Variants in CHAT observed in about 807,000 individuals in gnomAD.
CHAT encodes the protein choline O-acetyltransferase.
In CHAT, 61 loss-of-function variants were observed where a neutral mutation model predicts 76.9. The observed-to-expected ratio is 0.79, with a 90% CI of 0.65 to 0.98. CHAT has a LOEUF of 0.98. Among genes scored for constraint, CHAT ranks in the 50% least tolerant of loss-of-function variants. The pLI, the probability that CHAT is intolerant of heterozygous loss-of-function variation, is 0.00. For synonymous variants in CHAT, 407 were observed against 397.4 expected, an observed-to-expected ratio of 1.02 and a Z score of -0.29; for missense variants, 946 against 986.9, an observed-to-expected ratio of 0.96 and a Z score of 0.56.
rs1190793135 is a variant in CHAT, at chr10:49,627,649, T to C, written c.975T>C (p.Ser325=). 6.2e-7 allele frequency: 1 copy of C among 1,614,048 alleles called. No homozygotes were observed. Among genetic ancestry groups the C allele is most frequent in the African/African-American group, 1.3e-5 (1 of 74,926 alleles). ...LDVVINFRRL[S]EGDLFTQLRK... is the part of the protein sequence containing the mutation. Reference sequence around the variant, plus strand: ...TTGTCATTAATTTCCGCCGTCTCAGTGAGGGGGATCTGTTCACTCAGTTGA... The same window carrying C: ...TTGTCATTAATTTCCGCCGTCTCAGCGAGGGGGATCTGTTCACTCAGTTGA... Residue 325 remains serine, a synonymous_variant, in exon 7 of 15, where the codon AGT becomes AGC. Transcript: ENST00000337653.
At chr10:49,612,131 C>A (rs1838315890), upstream of CHAT, 1 of 1,612,190 alleles carries the variant, frequency 6.2e-7, no homozygotes, top group Non-Finnish European at 8.5e-7. Context: ...CTCTATGCTC[C>A]CGTCTTGCTG....
upstream of CHAT, chr10:49,612,133 G>A (rs1470523895): frequency 7.4e-6 from 12 of 1,612,078 alleles, no homozygotes; most frequent in Admixed American, 1.3e-4. Flanking sequence ...CTATGCTCCC[G>A]TCTTGCTGCT....
intron 7 of CHAT, among the ~76,000 whole-genome samples, chr10:49,640,786 T>C (rs953296325): frequency 6.6e-6 from 1 of 152,218 alleles, no homozygotes; most frequent in Non-Finnish European, 1.5e-5. Context: ...CCTAAAAGTT[T>C]TATGTCTTGC....
upstream of CHAT, chr10:49,610,996 ACTCCGGC>A (rs1838279081): frequency 6.2e-7 from 1 of 1,612,894 alleles, no homozygotes; most frequent in East Asian, 2.2e-5. Context: ...GCCGCTGCCC[ACTCCGGC>A]CAATGCCAGC....
intron 13 of CHAT, among the ~76,000 whole-genome samples, chr10:49,660,157 T>C (rs111245154): frequency 4.0e-5 from 6 of 151,586 alleles, no homozygotes; most frequent in Non-Finnish European, 7.4e-5. Flanking sequence ...AGAGCTGAAA[T>C]TGGCCGGGTG....
chr10:49,639,896 C>T (rs1839423270), intron 7 of CHAT, among the ~76,000 whole-genome samples: 1 of 152,120 alleles, frequency 6.6e-6, no homozygotes, highest in Admixed American at 6.6e-5. Context: ...TCCTTTTCCC[C>T]CAGTCTAATC....
Position 49,614,342 on chromosome 10 carries a change from T to A in CHAT, c.153T>A (p.Pro51=), listed in dbSNP as rs773735383. The A allele has an allele frequency of 1.3e-6, 2 of 1,546,770 alleles. No homozygotes were observed. Among genetic ancestry groups the A allele is most frequent in the African/African-American group, 1.4e-5 (1 of 73,050 alleles). The change falls in exon 1 of 15, where the codon CCT becomes CCA. Residue 51 remains proline (P), a synonymous_variant. Coordinates refer to ENST00000337653, the MANE Select transcript of CHAT (RefSeq NM_020549.5). ...GGGACCCGGGCGACGTCGGAGGCCC[T>A]GCCGGGAACCCAGGCTGCAGCCCCC... ...GRGDPGDVGG[P]AGNPGCSPHP... is the part of the protein sequence containing the mutation.
At chr10:49,612,233 G>T (rs547637544), upstream of CHAT, 4 of 1,609,244 alleles carry the variant, frequency 2.5e-6, no homozygotes, top group South Asian at 4.4e-5. Flanking sequence ...GATGCGGTGC[G>T]CCTGCGTGAG....
chr10:49,610,621 C>T, upstream of CHAT: 28 of 1,026,740 alleles, frequency 2.7e-5, no homozygotes, highest in Non-Finnish European at 3.8e-5. Flanking sequence ...ACCTGAGGCA[C>T]AGGGGAGTCT....
chr10:49,632,374 G>A (rs941961265), intron 7 of CHAT, among the ~76,000 whole-genome samples: 43 of 152,236 alleles, frequency 2.8e-4, no homozygotes, highest in Admixed American at 9.1e-4. Flanking sequence ...TGGCTGTTGG[G>A]GCTGAGGTGC....
At chr10:49,629,062 G>GCCCGTTCGCTTACCTTGACACTGTGA (rs1839024790) in intron 7 of CHAT, among the ~76,000 whole-genome samples, 1 of 152,250 alleles carries the variant, frequency 6.6e-6, no homozygotes, top group Non-Finnish European at 1.5e-5. Context: ...TGTCACTGTG[G>GCCCGTTCGCTTACCTTGACACTGTGA]CCCGTTCGCT....
At chr10:49,647,865 C>T (rs1174182631) in intron 8 of CHAT, 1 of 155,758 alleles carries the variant, frequency 6.4e-6, no homozygotes, top group Non-Finnish European at 1.4e-5. Context: ...GCCCTCTCCA[C>T]CACCTCTCAT....
Position 49,625,539 on chromosome 10 carries a change from C to CTATG in CHAT, c.820_823dup (p.Gly275ValfsTer29). The CTATG allele has an allele frequency of 6.2e-7, 1 of 1,613,802 alleles. No homozygotes were observed. Among genetic ancestry groups the CTATG allele is most frequent in the Non-Finnish European group, 8.5e-7 (1 of 1,179,986 alleles). ...GGCAGCCCCTTTGCATGAAGCAATACTATGGGCTCTTCTCCTCCTACCGGC... is the reference window on the plus strand; with the variant it reads ...GGCAGCCCCTTTGCATGAAGCAATACTATGTATGGGCTCTTCTCCTCCTACCGGC... On this transcript the variant is annotated frameshift_variant, in exon 6 of 15. Transcript: ENST00000337653. LOFTEE classifies it high-confidence loss of function.
At position 49,620,546 on chromosome 10, in the gene CHAT, C is replaced by G. The variant is rs121912815; in HGVS notation, c.631C>G (p.Pro211Ala). 1.9e-6 allele frequency: 3 copies of G among 1,613,796 alleles called. No individual in the cohort carries two copies. Among genetic ancestry groups the G allele is most frequent in the Non-Finnish European group, 2.5e-6 (3 of 1,179,868 alleles). ...GTATCTCAACAACCGCCTGGCCCTG[C>G]CTGTCAACTCCAGCCCTGCCGTGAT... Reference protein sequence around the residue: ...DMYLNNRLALPVNSSPAVIFA... With the variant: ...DMYLNNRLALAVNSSPAVIFA... The change falls in exon 4 of 15, where the codon CCT becomes GCT. Residue 211 changes from proline to alanine, a missense_variant. Coordinates refer to ENST00000337653, the MANE Select transcript of CHAT (RefSeq NM_020549.5).
At chr10:49,632,171 C>T (rs949219905) in intron 7 of CHAT, among the ~76,000 whole-genome samples, 5 of 152,104 alleles carry the variant, frequency 3.3e-5, no homozygotes, top group Non-Finnish European at 7.4e-5. Context: ...TGCCACATTG[C>T]AGTTGAGGCA....
chr10:49,612,426 C>T, upstream of CHAT: 3 of 1,328,634 alleles, frequency 2.3e-6, no homozygotes, highest in Non-Finnish European at 2.1e-6. Context: ...GGCTCAGGGC[C>T]CACCTCCTCC....
intron 7 of CHAT, among the ~76,000 whole-genome samples, chr10:49,631,815 T>A (rs1839131634): frequency 6.6e-6 from 1 of 151,558 alleles, no homozygotes; most frequent in Non-Finnish European, 1.5e-5. Flanking sequence ...GAGAGGAGGA[T>A]GGAGACTGGG....
intron 1 of CHAT, among the ~76,000 whole-genome samples, chr10:49,615,076 G>A (rs998491538): frequency 9.2e-5 from 14 of 151,856 alleles, no homozygotes; most frequent in Non-Finnish European, 1.6e-4. Flanking sequence ...GTTGGTAGGT[G>A]GGACCACCAG....
chr10:49,610,568 G>GTCCTT, upstream of CHAT: 1 of 585,598 alleles, frequency 1.7e-6, no homozygotes, highest in East Asian at 3.2e-5. Flanking sequence ...GCCGGACGGA[G>GTCCTT]TCCTTTCCTT....
Sources: allele counts gnomAD v4.1 joint callset (sites outside exome capture counted in the v4.1 genomes callset), GRCh38; gene constraint gnomAD v4.1.1; transcripts MANE v1.5; gene names NCBI Gene and HGNC (gene_info 2026-07-23, HGNC 2026-07-21).